The following PRDM2 variants were observed in gnomAD, a reference collection of about 807,000 sequenced individuals.
PRDM2 encodes PR/SET domain 2.
A neutral mutation model predicts 130.0 loss-of-function variants in PRDM2; 30 were observed. The ratio of observed to expected loss-of-function variants is 0.23; its 90% CI spans 0.17 to 0.31. The LOEUF (loss-of-function observed/expected upper bound fraction) is 0.31. PRDM2 is among the 10% of genes least tolerant of loss of function. The pLI is 1.00. For missense variants in PRDM2, 2,011 were observed against 2,108.4 expected, an observed-to-expected ratio of 0.95 and a Z score of 0.90; for synonymous variants, 871 against 782.4, an observed-to-expected ratio of 1.11 and a Z score of -1.89.
intron 2 of PRDM2, 59 bp from the exon 3 acceptor site, chr1:13,730,941 A>C (rs1643083271): frequency 7.6e-6 from 10 of 1,311,342 alleles, no homozygotes; most frequent in Admixed American, 2.4e-5. Flanking sequence ...AAAAAAAAAA[A>C]AACCCATGAT....
intron 2 of PRDM2, among the ~76,000 whole-genome samples, chr1:13,721,744 AGGAT>A (rs1402116432): frequency 4.6e-5 from 7 of 152,212 alleles, no homozygotes; most frequent in Non-Finnish European, 7.3e-5. Context: ...CTCTTATGTT[AGGAT>A]AGTAACACTT....
chr1:13,703,542 C>T (rs1425909926), intron 1 of PRDM2, among the ~76,000 whole-genome samples: 1 of 152,190 alleles, frequency 6.6e-6, no homozygotes, highest in Admixed American at 6.5e-5. Context: ...GGTTTTGTGA[C>T]TTTATTGAAT....
chr1:13,743,125 C>G (rs1267110397), intron 5 of PRDM2, among the ~76,000 whole-genome samples: 3 of 152,062 alleles, frequency 2.0e-5, no homozygotes, highest in East Asian at 3.9e-4. Flanking sequence ...TCCGGACGGG[C>G]GCAGTGGCTC....
intron 8 of PRDM2, among the ~76,000 whole-genome samples, chr1:13,796,468 G>A (rs1644924062): frequency 6.6e-6 from 1 of 152,198 alleles, no homozygotes; most frequent in Non-Finnish European, 1.5e-5. Flanking sequence ...ATTAACAGTA[G>A]GTCTTGACCA....
rs1030239007 is a variant in PRDM2 at position 13,779,229 on chromosome 1, A to G, written c.1434A>G (p.Glu478=). ...CTTCTGTCGTAGAAGAGAATGGGGA[A>G]GTTAAAGAACTTCATCCGTGCAAAT... is the stretch of plus-strand genomic sequence containing the variant. The part of the protein sequence containing the change: ...INSSVVEENG[E]VKELHPCKYC... The change falls in exon 8 of 10, where the codon GAA becomes GAG. Residue 478 remains glutamate (E), a synonymous_variant. Transcript: ENST00000311066. This position sits in a 1 kb window ranked among gnomAD's most constrained non-coding sequence, Gnocchi z 4.9. 5 of 1,614,110 alleles carry G rather than the reference A, an allele frequency of 3.1e-6. No individual in the cohort carries two copies. In the African/African-American group the frequency reaches 6.7e-5, roughly 22 times the overall value.
At chr1:13,758,143 T>G (rs1644004469) in intron 6 of PRDM2, among the ~76,000 whole-genome samples, 1 of 152,276 alleles carries the variant, frequency 6.6e-6, no homozygotes, top group Non-Finnish European at 1.5e-5. Flanking sequence ...TATTTGATTG[T>G]TAAGACTTAG....
chr1:13,778,286 A>C, intron 7 of PRDM2, 132 bp from the exon 8 acceptor site: 1 of 931,618 alleles, frequency 1.1e-6, no homozygotes, highest in Non-Finnish European at 1.6e-6. Flanking sequence ...AAGTAGAAGT[A>C]ATTTATTGTT....
chr1:13,798,876 A>T (rs1344919915), intron 8 of PRDM2, among the ~76,000 whole-genome samples: 1 of 152,192 alleles, frequency 6.6e-6, no homozygotes, highest in African/African-American at 2.4e-5. Flanking sequence ...TCATCTTCTT[A>T]GGGTTTAAAC....
intron 2 of PRDM2, among the ~76,000 whole-genome samples, chr1:13,729,029 C>G (rs948402200): frequency 6.6e-6 from 1 of 152,098 alleles, no homozygotes; most frequent in Non-Finnish European, 1.5e-5. Context: ...TATAGGCACT[C>G]GAATCAGACA....
In PRDM2 at chr1:13,771,920, A is replaced by G. The variant is rs1048046968; in HGVS notation, c.512-1158A>G. On this transcript the variant is annotated intron_variant, in intron 6 of 9. Coordinates refer to ENST00000311066, the MANE Select transcript of PRDM2 (RefSeq NM_001393986.1). This position sits in a 1 kb window ranked among gnomAD's most constrained non-coding sequence, Gnocchi z 4.1. ...TAATCTAGATGTTTTCAATGATGCTATTTTATGTCTCTGACCTCATTTTTG... is the reference window on the plus strand; with the variant it reads ...TAATCTAGATGTTTTCAATGATGCTGTTTTATGTCTCTGACCTCATTTTTG... 1.3e-5 allele frequency: 2 copies of G among 152,128 alleles called. No individual in the cohort carries two copies. Among genetic ancestry groups the G allele is most frequent in the African/African-American group, 2.4e-5 (1 of 41,416 alleles). 9.4% of individuals were successfully genotyped at this position (152,128 alleles called of 1,614,324 possible).
At chr1:13,739,122 C>G (rs1432330796) in intron 4 of PRDM2, among the ~76,000 whole-genome samples, 1 of 151,764 alleles carries the variant, frequency 6.6e-6, no homozygotes, top group Non-Finnish European at 1.5e-5. Flanking sequence ...TCTTGGCTCA[C>G]TGCAAGCTCT....
At chr1:13,733,566 A>G (rs936756402) in intron 4 of PRDM2, among the ~76,000 whole-genome samples, 4 of 152,200 alleles carry the variant, frequency 2.6e-5, no homozygotes, top group African/African-American at 4.8e-5. Flanking sequence ...CCTGAGTTCA[A>G]ATCCTACCTC....
At chr1:13,703,174 A>G (rs890805618) in intron 1 of PRDM2, among the ~76,000 whole-genome samples, 2 of 152,244 alleles carry the variant, frequency 1.3e-5, no homozygotes, top group Non-Finnish European at 2.9e-5. Context: ...TACTGAAAAC[A>G]ATACTTAGCT....
Position 13,717,952 on chromosome 1 carries a change from G to T in PRDM2, c.9+2338G>T, listed in dbSNP as rs953488229. On this transcript the variant is annotated intron_variant, in intron 2 of 9. Coordinates refer to ENST00000311066, the MANE Select transcript of PRDM2 (RefSeq NM_001393986.1). The stretch of plus-strand genomic sequence containing the variant: ...TATTTTCATTACTAGAAGAATATTA[G>T]TTATATGCTGTTTAGACCCAATTGT... Among the ~76,000 whole-genome samples the T allele has an allele frequency of 1.1e-4, 17 of 152,102 alleles. No homozygotes were observed. In the South Asian group the frequency reaches 1.2e-3, roughly 11 times the overall value.
chr1:13,805,301 G>C (rs909809), intron 8 of PRDM2, among the ~76,000 whole-genome samples: 1 of 152,212 alleles, frequency 6.6e-6, no homozygotes, highest in Non-Finnish European at 1.5e-5. Flanking sequence ...CAGCAAGTCC[G>C]TAATGGAGCT....
chr1:13,743,011 C>G (rs948692611), intron 5 of PRDM2, among the ~76,000 whole-genome samples: 19 of 152,146 alleles, frequency 1.2e-4, no homozygotes, highest in East Asian at 1.2e-3. Flanking sequence ...GGAGCACATT[C>G]AGGGACATGA....
chr1:13,728,910 C>A (rs917496804), intron 2 of PRDM2, among the ~76,000 whole-genome samples: 2 of 152,092 alleles, frequency 1.3e-5, no homozygotes, highest in Non-Finnish European at 2.9e-5. Context: ...GCCTTAAGCA[C>A]CATCTCCTGC....
At chr1:13,712,738 C>T (rs1010654532) in intron 1 of PRDM2, among the ~76,000 whole-genome samples, 5 of 152,078 alleles carry the variant, frequency 3.3e-5, no homozygotes, top group South Asian at 2.1e-4. Flanking sequence ...TCTAGCCTGG[C>T]GACAGAGCGA....
intron 8 of PRDM2, among the ~76,000 whole-genome samples, chr1:13,811,590 T>A (rs1205396241): frequency 6.6e-6 from 1 of 152,120 alleles, no homozygotes; most frequent in Non-Finnish European, 1.5e-5. Flanking sequence ...ACCCAATATT[T>A]CCTGTACCAG....
Sources: gnomAD v4.1 joint callset for allele counts (sites outside exome capture counted in the v4.1 genomes callset) on GRCh38, gnomAD v4.1.1 for gene constraint, Gnocchi (gnomAD v3.1) non-coding constraint, MANE v1.5 for transcripts, NCBI Gene and HGNC (gene_info 2026-07-23, HGNC 2026-07-21) for gene names.